The following SH2B2 variants were observed in gnomAD, a reference collection of about 807,000 sequenced individuals.
The protein encoded by SH2B2 is SH2B adaptor protein 2.
A neutral mutation model predicts 35.7 loss-of-function variants in SH2B2; 37 were observed. That is an observed-to-expected ratio of 1.04 (90% confidence interval 0.80 to 1.36). The LOEUF is 1.36. SH2B2 is among the 40% of genes most tolerant of loss of function. SH2B2 has a pLI of 0.00. For synonymous variants in SH2B2, 383 were observed against 376.4 expected, an observed-to-expected ratio of 1.02 and a Z score of -0.20; for missense variants, 852 against 817.7, an observed-to-expected ratio of 1.04 and a Z score of -0.51.
upstream of SH2B2, chr7:102,285,218 A>G (rs1161618823): frequency 1.3e-5 from 20 of 1,551,104 alleles, no homozygotes; most frequent in Admixed American, 2.0e-5. Context: ...TCTGGCCGCT[A>G]TCATCCCAGC....
chr7:102,286,539 A>G (rs1221956948), upstream of SH2B2, among the ~76,000 whole-genome samples: 4 of 151,744 alleles, frequency 2.6e-5, no homozygotes, highest in Admixed American at 1.3e-4. Context: ...GGCCTCCACG[A>G]GGAGGAGTGG....
intron 1 of SH2B2, among the ~76,000 whole-genome samples, chr7:102,293,645 T>C (rs1263766952): frequency 6.6e-6 from 1 of 151,666 alleles, no homozygotes; most frequent in Non-Finnish European, 1.5e-5. Flanking sequence ...CCAACGCCAG[T>C]CCTCAGAGAA....
At chr7:102,292,516 G>C (rs1394049483) in intron 1 of SH2B2, among the ~76,000 whole-genome samples, 2 of 144,446 alleles carry the variant, frequency 1.4e-5, no homozygotes, top group African/African-American at 5.1e-5. Flanking sequence ...CGGCAACAGA[G>C]CAAGACTCCG....
intron 7 of SH2B2, among the ~76,000 whole-genome samples, chr7:102,318,182 A>C (rs1418279123): frequency 1.3e-5 from 2 of 152,136 alleles, no homozygotes; most frequent in Non-Finnish European, 2.9e-5. Context: ...TCTATCCTCC[A>C]GGCTGGATTG....
chr7:102,314,774 A>G (rs907179505), intron 6 of SH2B2, 92 bp downstream of exon 6: 17 of 398,178 alleles, frequency 4.3e-5, no homozygotes, highest in Admixed American at 8.8e-5. Context: ...AAACCTTGCT[A>G]AGCCTCAGAA....
intron 3 of SH2B2, among the ~76,000 whole-genome samples, chr7:102,307,770 T>G (rs1252528203): frequency 5.4e-5 from 8 of 148,410 alleles, no homozygotes; most frequent in African/African-American, 2.0e-4. Context: ...TTTTTTTTGT[T>G]TTTTTTTTTT....
chr7:102,308,199 C>T (rs1217199570), intron 3 of SH2B2, among the ~76,000 whole-genome samples: 5 of 152,336 alleles, frequency 3.3e-5, no homozygotes, highest in African/African-American at 1.2e-4. Flanking sequence ...AGTTCCTTGG[C>T]CTCCCTGAAC....
At chr7:102,301,313 G>A (rs782045956) in intron 2 of SH2B2, 34 bp downstream of exon 2, 1 of 1,573,792 alleles carries the variant, frequency 6.4e-7, no homozygotes, top group East Asian at 2.4e-5. Context: ...TAGCCTGGGG[G>A]GACCAGAGGA....
In SH2B2 at chr7:102,300,621, G is replaced by C; in HGVS notation, c.71G>C (p.Arg24Pro). Residue 24 changes from arginine (R) to proline (P), a missense_variant, in exon 2 of 9, where the codon CGG becomes CCG. By Grantham distance (103) the Arg-to-Pro change is moderately radical (BLOSUM62 -2). Around this residue, in one of 3 missense-constraint regions of SH2B2, gnomAD observed 294 missense variants for 286.6 expected, o/e 1.03. Transcript: ENST00000444095. ...VPVPVPVPDW[R>P]QFCELHAQAA... is the part of the protein sequence containing the mutation. ...GTCCCGGTCCCGGTCCCGGACTGGC[G>C]GCAGTTCTGCGAGCTGCATGCGCAG... is the stretch of plus-strand genomic sequence containing the variant. The C allele has an allele frequency of 6.4e-7, 1 of 1,550,904 alleles. No homozygotes were observed. The highest frequency in any genetic ancestry group is 2.4e-5 in the East Asian group (1 of 40,966).
At chr7:102,314,467 G>C (rs1793741893) in intron 5 of SH2B2, 40 bp downstream of exon 5, 1 of 398,668 alleles carries the variant, frequency 2.5e-6, no homozygotes, top group Admixed American at 4.4e-5. Flanking sequence ...GCACACTCAG[G>C]GTGGACAGAT....
intron 2 of SH2B2, among the ~76,000 whole-genome samples, chr7:102,302,219 C>T (rs1290964202): frequency 3.3e-5 from 5 of 152,228 alleles, no homozygotes; most frequent in Non-Finnish European, 5.9e-5. Flanking sequence ...TCTCCTGCAG[C>T]CCAAGGGTGC....
intron 2 of SH2B2, among the ~76,000 whole-genome samples, chr7:102,303,866 C>A (rs1191627355): frequency 6.6e-6 from 1 of 152,082 alleles, no homozygotes; most frequent in Non-Finnish European, 1.5e-5. Context: ...CTGGTGCCCG[C>A]CCCCGCCCCA....
chr7:102,321,402 TGC>T lies in SH2B2; in HGVS notation c.1672_1673del (p.Ala558LeufsTer?), dbSNP rs782725852. On this transcript the variant is annotated frameshift_variant, in exon 9 of 9. Coordinates refer to ENST00000444095, the MANE Select transcript of SH2B2 (RefSeq NM_001359228.2). LOFTEE classifies it low-confidence loss of function (END_TRUNC). ...SSLAAAACPP[A>X]SPSDAAGASS... ...GCCTCGCCGCGGCCGCCTGCCCGCC[TGC>T]CTCGCCCTCCGACGCCGCCGGCGCC... is the stretch of plus-strand genomic sequence containing the variant. 2 of 1,366,594 alleles carry T rather than the reference TGC, an allele frequency of 1.5e-6. No homozygotes were observed. The highest frequency in any genetic ancestry group is 1.9e-6 in the Non-Finnish European group (2 of 1,058,592). 84.7% of individuals were successfully genotyped at this position (1,366,594 alleles called of 1,614,324 possible).
chr7:102,285,786 G>T (rs1373013640), upstream of SH2B2, among the ~76,000 whole-genome samples: 19 of 152,232 alleles, frequency 1.2e-4, no homozygotes, highest in African/African-American at 4.6e-4. Context: ...AGAGGTGGGG[G>T]CAGGGGACAA....
intron 4 of SH2B2, chr7:102,309,279 C>G (rs1304465340): frequency 2.4e-6 from 1 of 411,428 alleles, no homozygotes; most frequent in Admixed American, 3.0e-5. Flanking sequence ...TTGGGAGGCC[C>G]AGCTGGGAGG....
intron 1 of SH2B2, among the ~76,000 whole-genome samples, chr7:102,291,564 C>G (rs1471745438): frequency 6.6e-6 from 1 of 151,952 alleles, no homozygotes; most frequent in Non-Finnish European, 1.5e-5. Flanking sequence ...AGCAAAGTCA[C>G]AGCAAGTTCA....
intron 7 of SH2B2, among the ~76,000 whole-genome samples, chr7:102,318,935 A>G (rs1793957062): frequency 2.0e-5 from 3 of 152,216 alleles, no homozygotes. Flanking sequence ...GCCAGAGGCT[A>G]GGATGGGGGA....
At chr7:102,296,257 C>A (rs1452093817) in intron 1 of SH2B2, among the ~76,000 whole-genome samples, 1 of 152,202 alleles carries the variant, frequency 6.6e-6, no homozygotes, top group Non-Finnish European at 1.5e-5. Flanking sequence ...AATGGGGCAG[C>A]TATTTTTACC....
intron 2 of SH2B2, among the ~76,000 whole-genome samples, chr7:102,305,292 G>T (rs563477531): frequency 3.1e-4 from 47 of 151,984 alleles, no homozygotes; most frequent in African/African-American, 9.7e-4. Context: ...TTGAGACAGG[G>T]TGTCACTCTG....
Sources: gnomAD v4.1 joint callset for allele counts (sites outside exome capture counted in the v4.1 genomes callset) on GRCh38, gnomAD v4.1.1 for gene constraint, gnomAD v4.1.1 regional missense constraint, MANE v1.5 for transcripts, NCBI Gene and HGNC (gene_info 2026-07-23, HGNC 2026-07-21) for gene names.